Variants in HPF1 observed in about 807,000 individuals in gnomAD.
HPF1 encodes the protein UPF0609 protein C4orf27.
A neutral mutation model predicts 38.8 loss-of-function variants in HPF1; 35 were observed. The observed-to-expected ratio is 0.90, with a 90% CI of 0.69 to 1.19. The LOEUF (loss-of-function observed/expected upper bound fraction) is 1.19, where lower values mean the gene tolerates loss of function less well. Ranked by LOEUF, HPF1 falls within the 50% of genes most tolerant of loss-of-function variation. The pLI, the probability that HPF1 is intolerant of heterozygous loss-of-function variation, is 0.00. For synonymous variants in HPF1, 115 were observed against 139.2 expected, an observed-to-expected ratio of 0.83 and a Z score of 1.22; for missense variants, 367 against 405.8, an observed-to-expected ratio of 0.90 and a Z score of 0.82.
At chr4:169,730,544 C>T (rs1420021689) in intron 7 of HPF1, among the ~76,000 whole-genome samples, 1 of 152,200 alleles carries the variant, frequency 6.6e-6, no homozygotes, top group East Asian at 1.9e-4. Flanking sequence ...ACACCCCCGA[C>T]CAGGAGCATC....
chr4:169,734,328 ATC>A (rs1169385399), intron 6 of HPF1, among the ~76,000 whole-genome samples: 4 of 152,138 alleles, frequency 2.6e-5, no homozygotes, highest in Admixed American at 6.5e-5. Context: ...GACCCTTAGA[ATC>A]TCTCTCGCTG....
intron 2 of HPF1, among the ~76,000 whole-genome samples, chr4:169,751,672 A>T (rs1581323211): frequency 6.6e-6 from 1 of 152,200 alleles, no homozygotes; most frequent in Admixed American, 6.5e-5. Flanking sequence ...ACCCAGTTTT[A>T]TAAGGAGGGA....
In HPF1 at chr4:169,731,748, T is replaced by C. The variant is rs745919468; in HGVS notation, c.865A>G (p.Met289Val). Residue 289 changes from methionine to valine, a missense_variant, in exon 7 of 8, where the codon ATG becomes GTG. By Grantham distance (21) the Met-to-Val change is conservative. Transcript: ENST00000393381. Reference sequence around the variant, plus strand: ...AGATCCATTCCCAATTCAAGCCCCATGCCATAATCACATTCATCATTAGCA... The same window carrying C: ...AGATCCATTCCCAATTCAAGCCCCACGCCATAATCACATTCATCATTAGCA... ...QFANDECDYG[M>V]GLELGMDLFC... is the part of the protein sequence containing the mutation. The C allele has an allele frequency of 1.8e-5, 28 of 1,588,208 alleles. No homozygotes were observed. The highest frequency in any genetic ancestry group is 1.7e-4 in the Middle Eastern group (1 of 5,922).
At chr4:169,748,626 C>G (rs1484359285) in intron 4 of HPF1, 118 bp downstream of exon 4, 1 of 526,766 alleles carries the variant, frequency 1.9e-6, no homozygotes, top group Non-Finnish European at 3.4e-6. Flanking sequence ...CCCACCTCGG[C>G]CTCCCAAAGT....
At chr4:169,729,764 T>A (rs975400402) in intron 7 of HPF1, 55 bp from the exon 8 acceptor site, 1 of 1,231,370 alleles carries the variant, frequency 8.1e-7, no homozygotes, top group East Asian at 2.9e-5. Flanking sequence ...TCCTAATAAG[T>A]AGCAGAAAAT....
chr4:169,753,929 A>C (rs1169268846), intron 1 of HPF1, 94 bp from the exon 2 acceptor site: 2 of 950,778 alleles, frequency 2.1e-6, no homozygotes, highest in African/African-American at 3.3e-5. Context: ...ACTCTATGAA[A>C]TACATGTGTT....
At chr4:169,752,728 T>C (rs1207683216) in intron 2 of HPF1, among the ~76,000 whole-genome samples, 1 of 152,224 alleles carries the variant, frequency 6.6e-6, no homozygotes, top group Non-Finnish European at 1.5e-5. Context: ...GTGGTATTGG[T>C]AGGCATTTAA....
intron 3 of HPF1, among the ~76,000 whole-genome samples, chr4:169,750,127 G>A (rs1734098861): frequency 6.6e-6 from 1 of 152,120 alleles, no homozygotes; most frequent in Non-Finnish European, 1.5e-5. Context: ...TACAAGACAG[G>A]AAACCGAGTC....
chr4:169,752,215 G>A (rs1734129440), intron 2 of HPF1, among the ~76,000 whole-genome samples: 1 of 123,754 alleles, frequency 8.1e-6, no homozygotes, highest in African/African-American at 3.1e-5. Context: ...CTGTCACCCA[G>A]ACTGGAGTGC....
intron 1 of HPF1, among the ~76,000 whole-genome samples, chr4:169,755,542 T>C (rs1734177797): frequency 6.6e-6 from 1 of 152,204 alleles, no homozygotes; most frequent in Non-Finnish European, 1.5e-5. Flanking sequence ...TTTGTTTTCT[T>C]GTTGCTTTAA....
At chr4:169,757,632 G>C (rs921495923) in intron 1 of HPF1, among the ~76,000 whole-genome samples, 198 bp downstream of exon 1, 1 of 152,230 alleles carries the variant, frequency 6.6e-6, no homozygotes, top group Non-Finnish European at 1.5e-5. Context: ...GGCAGAAGAT[G>C]CAGAGGAGCT....
At chr4:169,752,068 CCATCT>C (rs1734126237) in intron 2 of HPF1, among the ~76,000 whole-genome samples, 53 of 151,972 alleles carry the variant, frequency 3.5e-4, no homozygotes, top group Admixed American at 3.4e-3. Context: ...AAAGAGGTAA[CCATCT>C]ATTCTCTTAC....
intron 4 of HPF1, among the ~76,000 whole-genome samples, chr4:169,746,881 AT>A (rs57187475): frequency 0.067 from 9,247 of 138,886 alleles, 1,002 homozygotes; most frequent in African/African-American, 0.23. Context: ...TCACCCATGC[AT>A]TTTTTTTTTC....
intron 3 of HPF1, among the ~76,000 whole-genome samples, chr4:169,750,175 A>G (rs969595268): frequency 1.3e-5 from 2 of 152,232 alleles, no homozygotes; most frequent in Admixed American, 6.5e-5. Context: ...AGGGTCACAC[A>G]GATAATAAAC....
chr4:169,744,054 C>T (rs1302339570), intron 4 of HPF1, among the ~76,000 whole-genome samples: 1 of 152,114 alleles, frequency 6.6e-6, no homozygotes, highest in East Asian at 1.9e-4. Context: ...TCAATTATTA[C>T]CAGCTGTATG....
At chr4:169,743,476 G>T (rs540473615) in intron 4 of HPF1, among the ~76,000 whole-genome samples, 18 of 136,580 alleles carry the variant, frequency 1.3e-4, no homozygotes, top group African/African-American at 4.5e-4. Flanking sequence ...ACTAAAGGTC[G>T]ATAGATTTTT....
chr4:169,739,587 A>C (rs1310537855), intron 5 of HPF1, among the ~76,000 whole-genome samples: 1 of 152,234 alleles, frequency 6.6e-6, no homozygotes, highest in Non-Finnish European at 1.5e-5. Context: ...GAAAAACTAC[A>C]AACACACCTA....
intron 2 of HPF1, among the ~76,000 whole-genome samples, chr4:169,751,153 C>T (rs1734113870): frequency 6.6e-6 from 1 of 152,096 alleles, no homozygotes; most frequent in African/African-American, 2.4e-5. Context: ...CACCTGTAAT[C>T]CCAGCACTTT....
intron 4 of HPF1, among the ~76,000 whole-genome samples, chr4:169,743,197 C>T (rs1393344919): frequency 1.3e-5 from 2 of 152,026 alleles, no homozygotes. Flanking sequence ...GCAACCTCCA[C>T]CTCCCAGGTT....
Sources: gnomAD v4.1 joint callset for allele counts (sites outside exome capture counted in the v4.1 genomes callset) on GRCh38, gnomAD v4.1.1 for gene constraint, MANE v1.5 for transcripts, NCBI Gene and HGNC (gene_info 2026-07-23, HGNC 2026-07-21) for gene names.